Variants in TRIM24 observed in about 807,000 individuals in gnomAD.
The protein encoded by TRIM24 is transcription intermediary factor 1-alpha.
TRIM24 carries 29 observed loss-of-function variants against 123.9 expected under a neutral mutation model. That is an observed-to-expected ratio of 0.23 (90% CI 0.17 to 0.32). The LOEUF (loss-of-function observed/expected upper bound fraction) is 0.32, where lower values mean the gene tolerates loss of function less well. Ranked by LOEUF, TRIM24 falls within the 10% of genes least tolerant of loss-of-function variation. The pLI is 1.00. For synonymous variants in TRIM24, 456 were observed against 461.1 expected (o/e 0.99, Z 0.14); for missense variants, 932 against 1,295.3 (o/e 0.72, Z 4.31).
At chr7:138,475,261 C>CT (rs531812916) in intron 1 of TRIM24, among the ~76,000 whole-genome samples, 498 of 152,074 alleles carry the variant, frequency 3.3e-3, no homozygotes, top group African/African-American at 0.012. Flanking sequence ...AAAGAGAGGA[C>CT]TTAAGGATAT....
chr7:138,518,853 G>T (rs991374496), intron 3 of TRIM24, among the ~76,000 whole-genome samples: 1 of 152,178 alleles, frequency 6.6e-6, no homozygotes, highest in Non-Finnish European at 1.5e-5. Context: ...TGGGATAGAA[G>T]ACATCCAGGT....
At chr7:138,522,438 T>C (rs1796523737) in intron 4 of TRIM24, among the ~76,000 whole-genome samples, 2 of 152,118 alleles carry the variant, frequency 1.3e-5, no homozygotes, top group African/African-American at 2.4e-5. Context: ...TACAATAAAA[T>C]ATTTTTAACT....
At chr7:138,472,030 A>C (rs1308013873) in intron 1 of TRIM24, among the ~76,000 whole-genome samples, 1 of 152,122 alleles carries the variant, frequency 6.6e-6, no homozygotes, top group Admixed American at 6.5e-5. Context: ...AAGAAAAAAA[A>C]CCAACCATGG....
intron 12 of TRIM24, 63 bp from the exon 13 acceptor site, chr7:138,576,310 C>A: frequency 1.4e-6 from 2 of 1,452,034 alleles, no homozygotes; most frequent in South Asian, 1.2e-5. Context: ...TGAACACATT[C>A]AACAGGACTT....
chr7:138,570,414 G>A (rs1035579246), intron 10 of TRIM24, among the ~76,000 whole-genome samples: 1 of 152,114 alleles, frequency 6.6e-6, no homozygotes, highest in Non-Finnish European at 1.5e-5. Context: ...TATGAGAAGA[G>A]GAATATAAAA....
rs909925141 is a variant in TRIM24 at position 138,589,677 on chromosome 7, C to G, written c.*4726C>G. On this transcript the variant is annotated 3_prime_UTR_variant, in exon 19 of 19. Coordinates refer to ENST00000343526, the MANE Select transcript of TRIM24 (RefSeq NM_015905.3). ...ACCAGCCACTCCCAAAGTAGGAGGA[C>G]CAAAGATGCCATGAAGACTTCTAGT... The G allele has an allele frequency of 1.3e-5, 2 of 151,998 alleles. No individual in the cohort carries two copies. Among genetic ancestry groups the G allele is most frequent in the African/African-American group, 4.8e-5 (2 of 41,366 alleles). 9.4% of individuals were successfully genotyped at this position (151,998 alleles called of 1,614,324 possible).
intron 1 of TRIM24, among the ~76,000 whole-genome samples, chr7:138,483,743 G>T (rs902419785): frequency 2.6e-5 from 4 of 152,196 alleles, no homozygotes; most frequent in African/African-American, 7.2e-5. Context: ...AACAAACAGG[G>T]ACTGTGGGAG....
intron 1 of TRIM24, among the ~76,000 whole-genome samples, chr7:138,503,929 A>C (rs1240955123): frequency 1.3e-5 from 2 of 152,210 alleles, no homozygotes; most frequent in Non-Finnish European, 2.9e-5. Context: ...AATTTTGCAG[A>C]TCTAGAGAAA....
At chr7:138,531,201 A>G (rs1036955682) in intron 6 of TRIM24, among the ~76,000 whole-genome samples, 1 of 146,750 alleles carries the variant, frequency 6.8e-6, no homozygotes, top group Admixed American at 6.7e-5. Context: ...ATACATGTAT[A>G]CATGTATACG....
At chr7:138,482,710 T>G (rs1795556269) in intron 1 of TRIM24, among the ~76,000 whole-genome samples, 1 of 152,240 alleles carries the variant, frequency 6.6e-6, no homozygotes, top group Non-Finnish European at 1.5e-5. Context: ...CCATTTTAAC[T>G]TCATTCTACC....
chr7:138,531,013 G>A (rs1796719726), intron 6 of TRIM24, among the ~76,000 whole-genome samples: 1 of 152,180 alleles, frequency 6.6e-6, no homozygotes, highest in South Asian at 2.1e-4. Context: ...GAGTGTAGTG[G>A]TATAGCCTTG....
At chr7:138,541,086 C>T (rs993686441) in intron 7 of TRIM24, among the ~76,000 whole-genome samples, 8 of 152,112 alleles carry the variant, frequency 5.3e-5, no homozygotes, top group Admixed American at 2.6e-4. Flanking sequence ...GTGATCCACC[C>T]GCCTTGGCCT....
At chr7:138,478,086 T>G (rs185089855) in intron 1 of TRIM24, among the ~76,000 whole-genome samples, 1 of 152,312 alleles carries the variant, frequency 6.6e-6, no homozygotes, top group African/African-American at 2.4e-5. Context: ...TAAATGTTTA[T>G]AATATATAAA....
chr7:138,509,937 G>A (rs1796250954), intron 2 of TRIM24, among the ~76,000 whole-genome samples: 1 of 152,160 alleles, frequency 6.6e-6, no homozygotes, highest in Admixed American at 6.5e-5. Flanking sequence ...TGGTGATGGG[G>A]TCTGGGTGTT....
At chr7:138,504,553 C>T (rs1217303465) in intron 2 of TRIM24, 145 bp downstream of exon 2, 5 of 482,078 alleles carry the variant, frequency 1.0e-5, no homozygotes, top group Non-Finnish European at 1.8e-5. Context: ...AGCTCCTCCC[C>T]ACAGGTTCAC....
intron 2 of TRIM24, among the ~76,000 whole-genome samples, chr7:138,507,813 G>A (rs1424393234): frequency 6.6e-6 from 1 of 152,016 alleles, no homozygotes; most frequent in Non-Finnish European, 1.5e-5. Flanking sequence ...TGCACCTGTA[G>A]TCCCAGCTAG....
At chr7:138,504,470 T>G (rs1225057077) in intron 2 of TRIM24, 62 bp downstream of exon 2, 1 of 1,101,756 alleles carries the variant, frequency 9.1e-7, no homozygotes, top group Non-Finnish European at 1.3e-6. Context: ...TTTTTTTTTT[T>G]TTTGAGACAG....
At chr7:138,461,600 A>G (rs572154912) in intron 1 of TRIM24, among the ~76,000 whole-genome samples, 6 of 152,194 alleles carry the variant, frequency 3.9e-5, no homozygotes, top group South Asian at 2.1e-4. Context: ...GTTTTCTGGT[A>G]TTTTATAGAT....
intron 9 of TRIM24, among the ~76,000 whole-genome samples, chr7:138,564,898 A>G (rs116809135): frequency 0.013 from 1,982 of 152,240 alleles, 36 homozygotes; most frequent in African/African-American, 0.045. Flanking sequence ...ATTTCCTCCC[A>G]GTTACAGCGC....
Sources: allele counts gnomAD v4.1 joint callset (sites outside exome capture counted in the v4.1 genomes callset), GRCh38; gene constraint gnomAD v4.1.1; transcripts MANE v1.5; gene names NCBI Gene and HGNC (gene_info 2026-07-23, HGNC 2026-07-21).